The following RNF139 variants were observed in gnomAD, a reference collection of about 807,000 sequenced individuals.
RNF139 encodes ring finger protein 139.
In RNF139, 15 loss-of-function variants were observed where a neutral mutation model predicts 49.5. The ratio of observed to expected loss-of-function variants is 0.30; its 90% CI spans 0.20 to 0.47. The LOEUF is 0.47. Among genes scored for constraint, RNF139 ranks in the 20% least tolerant of loss-of-function variants. The pLI is 1.00. For synonymous variants in RNF139, 325 were observed against 300.9 expected (o/e 1.08, Z -0.83); for missense variants, 619 against 806.3 (o/e 0.77, Z 2.81).
chr8:124,482,183 CT>C (rs1301058558), intron 1 of RNF139, among the ~76,000 whole-genome samples: 1 of 152,072 alleles, frequency 6.6e-6, no homozygotes, highest in African/African-American at 2.4e-5. Flanking sequence ...ATGCCTTCCC[CT>C]TTTTTTCTTT....
intron 1 of RNF139, chr8:124,483,547 A>C (rs1350776207): frequency 6.6e-6 from 1 of 151,856 alleles, no homozygotes. Flanking sequence ...CGATTCTCCC[A>C]CCTCAACCCC....
chr8:124,485,392 A>G (rs1165611670), intron 1 of RNF139, among the ~76,000 whole-genome samples: 1 of 152,062 alleles, frequency 6.6e-6, no homozygotes, highest in Non-Finnish European at 1.5e-5. Context: ...TGAATCTAAA[A>G]CTTAATAGGA....
At chr8:124,485,693 C>A in intron 1 of RNF139, 138 bp from the exon 2 acceptor site, 1 of 700,188 alleles carries the variant, frequency 1.4e-6, no homozygotes, top group Non-Finnish European at 2.3e-6. Context: ...ACCCTTTAAG[C>A]CTTAGTTGTC....
At chr8:124,485,678 T>G (rs929487231) in intron 1 of RNF139, among the ~76,000 whole-genome samples, 153 bp from the exon 2 acceptor site, 2 of 152,184 alleles carry the variant, frequency 1.3e-5, no homozygotes, top group East Asian at 3.8e-4. Flanking sequence ...TACAAAACCT[T>G]TATTACCCTT....
chr8:124,488,509 T>TG lies in RNF139; in HGVS notation c.*866dup. On this transcript the variant is annotated 3_prime_UTR_variant, in exon 2 of 2. Coordinates refer to ENST00000303545, the MANE Select transcript of RNF139 (RefSeq NM_007218.4). ...ATATATAGTATTTCTTTAGACAACT[T>TG]GCAGATAATTTCTTTATTGAAACTA... is the stretch of plus-strand genomic sequence containing the variant. 1.4e-6 allele frequency: 1 copy of TG among 693,740 alleles called. No homozygotes were observed. The highest frequency in any genetic ancestry group is 2.5e-6 in the Non-Finnish European group (1 of 398,076). 43.0% of individuals were successfully genotyped at this position (693,740 alleles called of 1,614,324 possible). A position where few individuals can be genotyped will look rare whatever the true frequency, so the allele number is the denominator to read the frequency against.
rs1816568054 is a variant in RNF139, at chr8:124,487,839, C to T, written c.*195C>T. 1.8e-6 allele frequency: 1 copy of T among 550,542 alleles called. No homozygotes were observed. The highest frequency in any genetic ancestry group is 1.9e-5 in the African/African-American group (1 of 52,908). 34.1% of individuals were successfully genotyped at this position (550,542 alleles called of 1,614,324 possible). A position where few individuals can be genotyped will look rare whatever the true frequency, so the allele number is the denominator to read the frequency against. ...TAATTACTTCTGGTCTCTTTGGTGA[C>T]CTGTTTAAATTTGTGTACATTATTG... On this transcript the variant is annotated 3_prime_UTR_variant, in exon 2 of 2. Coordinates refer to ENST00000303545, the MANE Select transcript of RNF139 (RefSeq NM_007218.4).
Position 124,486,604 on chromosome 8 carries a change from G to A in RNF139, c.955G>A (p.Asp319Asn). 1 of 1,614,158 alleles carries A rather than the reference G, an allele frequency of 6.2e-7. No homozygotes were observed. Among genetic ancestry groups the A allele is most frequent in the East Asian group, 2.2e-5 (1 of 44,890 alleles). The change falls in exon 2 of 2, where the codon GAT (aspartate) becomes AAT (asparagine). Residue 319 changes from aspartate (D) to asparagine (N), a missense_variant. Asp to Asn is a conservative substitution (Grantham distance 23). Coordinates refer to ENST00000303545, the MANE Select transcript of RNF139 (RefSeq NM_007218.4). ...ILAFIGSTEE[D>N]DRRLGFVAPV... ...GGCCTTTATTGGATCAACTGAGGAA[G>A]ATGACAGGCGTCTTGGCTTTGTTGC...
chr8:124,483,608 AT>A (rs1816486043), intron 1 of RNF139, among the ~76,000 whole-genome samples: 1 of 151,726 alleles, frequency 6.6e-6, no homozygotes, highest in Non-Finnish European at 1.5e-5. Context: ...ATATTTTTAT[AT>A]TTTTGGTAGA....
At chr8:124,483,561 A>C (rs576639725) in intron 1 of RNF139, among the ~76,000 whole-genome samples, 50 of 152,158 alleles carry the variant, frequency 3.3e-4, no homozygotes, top group African/African-American at 1.2e-3. Flanking sequence ...CAACCCCCTG[A>C]GTAGCTGGGA....
Position 124,475,002 on chromosome 8 carries a change from A to T in RNF139, c.-108A>T, listed in dbSNP as rs1336504301. On this transcript the variant is annotated 5_prime_UTR_variant, in exon 1 of 2. Coordinates refer to ENST00000303545, the MANE Select transcript of RNF139 (RefSeq NM_007218.4). ...CCGTGAGAGAGACAGGAGAGGAAGG[A>T]GGGCAGGGGCGGAGTTGCCCGCCTT... The T allele has an allele frequency of 1.6e-6, 1 of 615,668 alleles. No individual in the cohort carries two copies. Among genetic ancestry groups the T allele is most frequent in the East Asian group, 4.1e-5 (1 of 24,514 alleles). 38.1% of individuals were successfully genotyped at this position (615,668 alleles called of 1,614,324 possible). A position where few individuals can be genotyped will look rare whatever the true frequency, so the allele number is the denominator to read the frequency against.
At chr8:124,482,072 G>A (rs533825203) in intron 1 of RNF139, among the ~76,000 whole-genome samples, 2 of 152,118 alleles carry the variant, frequency 1.3e-5, no homozygotes, top group African/African-American at 4.8e-5. Flanking sequence ...TACATCTTGG[G>A]GGGTGTGATT....
rs1425166912 is a variant in RNF139 at position 124,487,663 on chromosome 8, A to G, written c.*19A>G. ...TGACTGATGAAAATAGCATTTATTA[A>G]TGATTGAGGTATTTGTTTAAAATTC... is the stretch of plus-strand genomic sequence containing the variant. On this transcript the variant is annotated 3_prime_UTR_variant, in exon 2 of 2. Transcript: ENST00000303545. 4.5e-6 allele frequency: 7 copies of G among 1,570,426 alleles called. No homozygotes were observed. The highest frequency in any genetic ancestry group is 6.0e-6 in the Non-Finnish European group (7 of 1,159,510).
At chr8:124,480,404 TAA>T (rs34661621) in intron 1 of RNF139, among the ~76,000 whole-genome samples, 2,281 of 89,042 alleles carry the variant, frequency 0.026, 71 homozygotes, top group African/African-American at 0.078. Context: ...ACTCCATCAC[TAA>T]AAAAAAAAAA....
At chr8:124,483,098 A>T (rs79552291) in intron 1 of RNF139, among the ~76,000 whole-genome samples, 889 of 26,084 alleles carry the variant, frequency 0.034, 82 homozygotes, top group Non-Finnish European at 0.052. Flanking sequence ...TATATTTAAA[A>T]ATATATATAT....
In RNF139 at chr8:124,486,003, G is replaced by C. The variant is rs199713239; in HGVS notation, c.354G>C (p.Leu118=). 2.4e-5 allele frequency: 38 copies of C among 1,614,030 alleles called. No homozygotes were observed. The highest frequency in any genetic ancestry group is 3.1e-5 in the Non-Finnish European group (37 of 1,179,998). The change falls in exon 2 of 2, where the codon CTG becomes CTC. Residue 118 remains leucine, a synonymous_variant. Coordinates refer to ENST00000303545, the MANE Select transcript of RNF139 (RefSeq NM_007218.4). ...ACACGTCAGCTTTTGGAATTGAGCTGCTTCCTCGAAAAGGTCCCTCGCTGT... is the reference window on the plus strand; with the variant it reads ...ACACGTCAGCTTTTGGAATTGAGCTCCTTCCTCGAAAAGGTCCCTCGCTGT... ...AYNTSAFGIE[L]LPRKGPSLWM... is the part of the protein sequence containing the mutation.
In RNF139 at chr8:124,475,244, C is replaced by T. The variant is rs140507881; in HGVS notation, c.135C>T (p.Ser45=). 2.0e-4 allele frequency: 315 copies of T among 1,613,758 alleles called. 2 individuals carry two copies. The African/African-American group carries it at 3.7e-3, about 19-fold the overall frequency. The change falls in exon 1 of 2, where the codon AGC becomes AGT. Residue 45 remains serine (S), a synonymous_variant. Coordinates refer to ENST00000303545, the MANE Select transcript of RNF139 (RefSeq NM_007218.4). Reference sequence around the variant, plus strand: ...TCTTCAACTCCTACCCGGATTCCAGCCAAAGCCGGTTCTGCATCGTGCTCC... The same window carrying T: ...TCTTCAACTCCTACCCGGATTCCAGTCAAAGCCGGTTCTGCATCGTGCTCC... The part of the protein sequence containing the change: ...DAIFNSYPDS[S]QSRFCIVLQI...
chr8:124,487,370 A>C lies in RNF139; in HGVS notation c.1721A>C (p.Lys574Thr). The C allele has an allele frequency of 1.2e-6, 2 of 1,614,166 alleles. No individual in the cohort carries two copies. The highest frequency in any genetic ancestry group is 8.5e-7 in the Non-Finnish European group (1 of 1,180,028). ...NHYFHALCLR[K>T]WLYIQDTCPM... The stretch of plus-strand genomic sequence containing the variant: ...TATTTCCATGCACTTTGCCTTCGGA[A>C]ATGGCTGTACATTCAAGATACTTGT... The change falls in exon 2 of 2, where the codon AAA becomes ACA. Residue 574 changes from lysine (K) to threonine (T), a missense_variant. By Grantham distance (78) the Lys-to-Thr change is moderately conservative. Around this residue, in one of 2 missense-constraint regions of RNF139, gnomAD observed 530 missense variants for 728.9 expected, o/e 0.73. Transcript: ENST00000303545.
chr8:124,486,451 A>G lies in RNF139; in HGVS notation c.802A>G (p.Ile268Val). The G allele has an allele frequency of 3.7e-6, 6 of 1,614,072 alleles. No homozygotes were observed. Among genetic ancestry groups the G allele is most frequent in the Non-Finnish European group, 5.1e-6 (6 of 1,180,004 alleles). ...RMANETDSFF[I>V]SWDDFWDLIC... ...GGCAAATGAAACTGATTCCTTCTTTATTTCTTGGGATGATTTTTGGGACCT... is the reference window on the plus strand; with the variant it reads ...GGCAAATGAAACTGATTCCTTCTTTGTTTCTTGGGATGATTTTTGGGACCT... The change falls in exon 2 of 2, where the codon ATT (isoleucine) becomes GTT (valine). Residue 268 changes from isoleucine (I) to valine (V), a missense_variant. Around this residue, in one of 2 missense-constraint regions of RNF139, gnomAD observed 530 missense variants for 728.9 expected, o/e 0.73. Coordinates refer to ENST00000303545, the MANE Select transcript of RNF139 (RefSeq NM_007218.4).
At position 124,485,851 on chromosome 8, in the gene RNF139, G is replaced by A; in HGVS notation, c.202G>A (p.Val68Ile). ...TTTAGGTGTATTTGCATCCAGTATT[G>A]TTCTGATCTTGTCACAACGATCACT... ...RLFGVFASSIVLILSQRSLFK... is the reference protein window; with the variant it reads ...RLFGVFASSIILILSQRSLFK... Residue 68 changes from valine (V) to isoleucine (I), a missense_variant, in exon 2 of 2, where the codon GTT becomes ATT. Val to Ile is a conservative substitution (Grantham distance 29, BLOSUM62 3). This residue lies in a region of RNF139 where 530 missense variants were observed against 728.9 expected (regional missense o/e 0.73). Transcript: ENST00000303545. The A allele has an allele frequency of 6.2e-7, 1 of 1,611,316 alleles. No homozygotes were observed. The highest frequency in any genetic ancestry group is 8.5e-7 in the Non-Finnish European group (1 of 1,177,758).
Sources: gnomAD v4.1 joint callset for allele counts (sites outside exome capture counted in the v4.1 genomes callset) on GRCh38, gnomAD v4.1.1 for gene constraint, gnomAD v4.1.1 regional missense constraint, MANE v1.5 for transcripts, NCBI Gene and HGNC (gene_info 2026-07-23, HGNC 2026-07-21) for gene names.